Variants in SOCS6 observed in about 807,000 individuals in gnomAD.
SOCS6 encodes the protein STAT induced STAT inhibitor-4.
SOCS6 carries 5 observed loss-of-function variants against 27.7 expected under a neutral mutation model. That is an observed-to-expected ratio of 0.18 (90% CI 0.09 to 0.38). SOCS6 has a LOEUF of 0.38. Among genes scored for constraint, SOCS6 ranks in the 10% least tolerant of loss-of-function variants. The probability of loss-of-function intolerance (pLI) is 1.00; values close to 1 mark genes in which losing one functional copy is unlikely to be tolerated. For missense variants in SOCS6, 595 were observed against 688.1 expected (o/e 0.86, Z 1.51); for synonymous variants, 271 against 260.0 (o/e 1.04, Z -0.41).
intron 1 of SOCS6, among the ~76,000 whole-genome samples, chr18:70,292,161 A>T (rs1042137699): frequency 2.0e-5 from 3 of 152,090 alleles, no homozygotes; most frequent in Admixed American, 2.0e-4. Context: ...ACATACTTAG[A>T]TAAAGTCACG....
intron 1 of SOCS6, among the ~76,000 whole-genome samples, chr18:70,291,507 A>C (rs1212242581): frequency 6.6e-6 from 1 of 152,170 alleles, no homozygotes; most frequent in African/African-American, 2.4e-5. Context: ...GTTATTGATC[A>C]TATCTTTTAT....
At position 70,325,887 on chromosome 18, in the gene SOCS6, C is replaced by A; in HGVS notation, c.1219C>A (p.Leu407Ile). The A allele has an allele frequency of 6.2e-7, 1 of 1,614,176 alleles. No homozygotes were observed. Among genetic ancestry groups the A allele is most frequent in the Non-Finnish European group, 8.5e-7 (1 of 1,180,008 alleles). The change falls in exon 2 of 2, where the codon CTT becomes ATT. Residue 407 changes from leucine (L) to isoleucine (I), a missense_variant. Leu to Ile is a conservative substitution (Grantham distance 5, BLOSUM62 2). Coordinates refer to ENST00000397942, the MANE Select transcript of SOCS6 (RefSeq NM_004232.4). The surrounding 1 kb of genome is among the most constrained non-coding windows in gnomAD (Gnocchi z 6.3). ...KLANVPDGSF[L>I]VRDSSDDRYL... ...AGCAAACGTGCCAGATGGTTCTTTT[C>A]TTGTTCGGGACAGTTCTGACGACCG...
At chr18:70,320,041 G>A (rs1600166308) in intron 1 of SOCS6, among the ~76,000 whole-genome samples, 2 of 152,156 alleles carry the variant, frequency 1.3e-5, no homozygotes, top group South Asian at 2.1e-4. Flanking sequence ...GCCCAGGCTG[G>A]AGTGCAGTGG....
chr18:70,305,021 A>G (rs962175555), intron 1 of SOCS6, among the ~76,000 whole-genome samples: 8 of 152,162 alleles, frequency 5.3e-5, no homozygotes, highest in Non-Finnish European at 7.3e-5. Context: ...TCTGGCCAAC[A>G]TGGTGAAACC....
chr18:70,292,250 C>A (rs1161214153), intron 1 of SOCS6, among the ~76,000 whole-genome samples: 1 of 152,228 alleles, frequency 6.6e-6, no homozygotes, highest in Non-Finnish European at 1.5e-5. Flanking sequence ...TGAACACGTT[C>A]TGTATGCCCT....
At chr18:70,307,879 A>G (rs890921531) in intron 1 of SOCS6, among the ~76,000 whole-genome samples, 2 of 151,712 alleles carry the variant, frequency 1.3e-5, no homozygotes, top group African/African-American at 2.4e-5. Context: ...ATTTTATTCT[A>G]CTTTCATTGG....
intron 1 of SOCS6, among the ~76,000 whole-genome samples, chr18:70,294,039 C>T (rs1242937538): frequency 1.3e-5 from 2 of 150,572 alleles, no homozygotes; most frequent in Non-Finnish European, 2.9e-5. Flanking sequence ...TGTGGTGAGC[C>T]GAGATTGTGC....
intron 1 of SOCS6, among the ~76,000 whole-genome samples, chr18:70,300,906 A>G (rs2062345572): frequency 6.6e-6 from 1 of 152,208 alleles, no homozygotes; most frequent in Non-Finnish European, 1.5e-5. Flanking sequence ...GTAGCCATGC[A>G]GTGTTCCTGT....
At chr18:70,304,836 T>G (rs2062362412) in intron 1 of SOCS6, among the ~76,000 whole-genome samples, 1 of 152,234 alleles carries the variant, frequency 6.6e-6, no homozygotes. Flanking sequence ...AGTTTTTCTC[T>G]TATATATTGT....
intron 1 of SOCS6, among the ~76,000 whole-genome samples, chr18:70,305,189 CAG>C (rs2062364184): frequency 6.6e-6 from 1 of 151,164 alleles, no homozygotes; most frequent in African/African-American, 2.4e-5. Flanking sequence ...ACCTGAGCAA[CAG>C]AGCAAGACGC....
intron 1 of SOCS6, among the ~76,000 whole-genome samples, chr18:70,313,854 C>G (rs2062400297): frequency 6.6e-6 from 1 of 152,068 alleles, no homozygotes; most frequent in Non-Finnish European, 1.5e-5. Flanking sequence ...ATTTTGTTGA[C>G]TTTCTTGAAA....
At chr18:70,289,203 A>C (rs1036034582) in intron 1 of SOCS6, 113 bp downstream of exon 1, 22 of 150,600 alleles carry the variant, frequency 1.5e-4, no homozygotes, top group African/African-American at 5.1e-4. Flanking sequence ...CAGGGGGCGG[A>C]TCCGGCGCGG....
At chr18:70,310,324 T>G (rs1430100285) in intron 1 of SOCS6, among the ~76,000 whole-genome samples, 1 of 151,716 alleles carries the variant, frequency 6.6e-6, no homozygotes, top group Non-Finnish European at 1.5e-5. Flanking sequence ...TTGCCCAGGC[T>G]GGAGTGCAGT....
intron 1 of SOCS6, among the ~76,000 whole-genome samples, chr18:70,306,120 C>T (rs1201523607): frequency 2.6e-5 from 4 of 152,020 alleles, no homozygotes; most frequent in Non-Finnish European, 5.9e-5. Context: ...GTCCAAGCTC[C>T]TTGGAAGGCT....
intron 1 of SOCS6, among the ~76,000 whole-genome samples, chr18:70,289,747 T>C (rs1449213113): frequency 1.3e-5 from 2 of 151,902 alleles, no homozygotes; most frequent in African/African-American, 4.8e-5. Flanking sequence ...CGGCTGAAGG[T>C]GCCGCCGGCC....
At chr18:70,289,884 C>T (rs2062291138) in intron 1 of SOCS6, among the ~76,000 whole-genome samples, 1 of 152,196 alleles carries the variant, frequency 6.6e-6, no homozygotes, top group South Asian at 2.1e-4. Flanking sequence ...CCTTGTGGCT[C>T]ACGGAGCAGA....
Position 70,326,410 on chromosome 18 carries a change from T to G in SOCS6, c.*134T>G. ...GTTTTATGTGTAAAAGAGTCATCAG[T>G]TTGTTTAGGGGTGGGGAAGTGTCAG... On this transcript the variant is annotated 3_prime_UTR_variant, in exon 2 of 2. Transcript: ENST00000397942. The G allele has an allele frequency of 1.3e-6, 1 of 791,854 alleles. No individual in the cohort carries two copies. The highest frequency in any genetic ancestry group is 2.0e-6 in the Non-Finnish European group (1 of 496,734). 49.1% of individuals were successfully genotyped at this position (791,854 alleles called of 1,614,324 possible). A position where few individuals can be genotyped will look rare whatever the true frequency, so the allele number is the denominator to read the frequency against.
intron 1 of SOCS6, among the ~76,000 whole-genome samples, chr18:70,317,567 A>G (rs958605858): frequency 9.9e-5 from 15 of 151,618 alleles, no homozygotes; most frequent in African/African-American, 3.2e-4. Context: ...ACACACACAC[A>G]CACACACACA....
chr18:70,298,555 TA>T (rs911720948), intron 1 of SOCS6, among the ~76,000 whole-genome samples: 1 of 152,216 alleles, frequency 6.6e-6, no homozygotes, highest in Non-Finnish European at 1.5e-5. Context: ...ACTGTAATTA[TA>T]CCTTAGCCAA....
Sources: allele counts gnomAD v4.1 joint callset (sites outside exome capture counted in the v4.1 genomes callset), GRCh38; gene constraint gnomAD v4.1.1; non-coding constraint Gnocchi (gnomAD v3.1); transcripts MANE v1.5; gene names NCBI Gene and HGNC (gene_info 2026-07-23, HGNC 2026-07-21).